FOXP4: variants seen among roughly 807,000 people sequenced by gnomAD.
FOXP4 encodes forkhead box protein P4.
In FOXP4, 25 loss-of-function variants were observed where a neutral mutation model predicts 82.6. The observed-to-expected ratio is 0.30, with a 90% CI of 0.22 to 0.42. The LOEUF is 0.42. Among genes scored for constraint, FOXP4 ranks in the 10% least tolerant of loss-of-function variants. The pLI is 1.00. For synonymous variants in FOXP4, 415 were observed against 388.2 expected, an observed-to-expected ratio of 1.07 and a Z score of -0.81; for missense variants, 785 against 900.9, an observed-to-expected ratio of 0.87 and a Z score of 1.65.
chr6:41,558,343 C>T lies in FOXP4; in HGVS notation c.-16-7402C>T, dbSNP rs983981045. Reference sequence around the variant, plus strand: ...CCCATGGGTCTTGACTCACTTTCTTCAAGTGCTGAACCAAGGGCTGGGAGA... The same window carrying T: ...CCCATGGGTCTTGACTCACTTTCTTTAAGTGCTGAACCAAGGGCTGGGAGA... On this transcript the variant is annotated intron_variant, in intron 1 of 16. Coordinates refer to ENST00000307972, the MANE Select transcript of FOXP4 (RefSeq NM_001012426.2). The surrounding 1 kb of genome is among the most constrained non-coding windows in gnomAD (Gnocchi z 4.0). Among the ~76,000 whole-genome samples the T allele has an allele frequency of 1.1e-4, 16 of 152,192 alleles. No individual in the cohort carries two copies. Among genetic ancestry groups the T allele is most frequent in the African/African-American group, 3.9e-4 (16 of 41,446 alleles).
intron 1 of FOXP4, among the ~76,000 whole-genome samples, chr6:41,554,624 C>T (rs1199704316): frequency 6.6e-6 from 1 of 152,102 alleles, no homozygotes; most frequent in East Asian, 1.9e-4. Flanking sequence ...CTTTGGGAGG[C>T]CAAGGCAGGT....
At chr6:41,560,143 C>T (rs1755307790) in intron 1 of FOXP4, among the ~76,000 whole-genome samples, 1 of 152,164 alleles carries the variant, frequency 6.6e-6, no homozygotes, top group Admixed American at 6.5e-5. Flanking sequence ...CTCCAAGTCA[C>T]TCTAGTAGGC....
In FOXP4 at chr6:41,590,429, A is replaced by G. The variant is rs528427790; in HGVS notation, c.1434+82A>G. ...CCCCGCCACACCCCTGCCTCCAGGA[A>G]GGTCCTGGGGCCAAGCAATGGAGCT... On this transcript the variant is annotated intron_variant, in intron 12 of 16. Transcript: ENST00000307972. The G allele has an allele frequency of 2.5e-4, 373 of 1,472,454 alleles. 1 individual carries two copies. The African/African-American group carries it at 4.4e-3, about 17-fold the overall frequency. The allele number at this position is 1,472,454 out of a possible 1,614,324, so 91.2% of individuals were successfully genotyped here.
chr6:41,589,746 C>T (rs1766379724), intron 9 of FOXP4, 25 bp from the exon 10 acceptor site: 3 of 1,607,814 alleles, frequency 1.9e-6, no homozygotes, highest in Non-Finnish European at 2.5e-6. Flanking sequence ...CTCCCGCTCA[C>T]CTCCTGCTTT....
chr6:41,585,084 C>G (rs2127388213), intron 4 of FOXP4, among the ~76,000 whole-genome samples, 193 bp downstream of exon 4: 1 of 152,298 alleles, frequency 6.6e-6, no homozygotes, highest in South Asian at 2.1e-4. Flanking sequence ...GCCCTGCCCC[C>G]ACAATACTCC....
At chr6:41,555,275 T>A (rs1202459623) in intron 1 of FOXP4, among the ~76,000 whole-genome samples, 5 of 151,500 alleles carry the variant, frequency 3.3e-5, no homozygotes, top group African/African-American at 1.2e-4. Context: ...CTGATGGTTG[T>A]GGGTGATTCT....
At chr6:41,562,427 A>G (rs1764636785) in intron 1 of FOXP4, among the ~76,000 whole-genome samples, 1 of 152,088 alleles carries the variant, frequency 6.6e-6, no homozygotes, top group African/African-American at 2.4e-5. Flanking sequence ...TCGGCCCCTG[A>G]ATAGCTATTA....
chr6:41,585,130 A>G (rs1358608685), intron 4 of FOXP4, among the ~76,000 whole-genome samples: 2 of 152,072 alleles, frequency 1.3e-5, no homozygotes, highest in Non-Finnish European at 2.9e-5. Context: ...CCCCACTTCT[A>G]TCTCCTGAAC....
rs1476985233 is a variant in FOXP4, at chr6:41,564,654, C to T, written c.-16-1091C>T. Among the ~76,000 whole-genome samples, 5 of 152,158 alleles carry T rather than the reference C, an allele frequency of 3.3e-5. No individual in the cohort carries two copies. In the South Asian group the frequency reaches 6.2e-4, roughly 19 times the overall value. ...TATGTAACCTAACTCTCTGGACCTT[C>T]GGTTTTTCCATCTGTAAAATTGGCG... On this transcript the variant is annotated intron_variant, in intron 1 of 16. Transcript: ENST00000307972.
chr6:41,592,936 A>T (rs1171125272), intron 13 of FOXP4, among the ~76,000 whole-genome samples: 1 of 151,970 alleles, frequency 6.6e-6, no homozygotes, highest in Non-Finnish European at 1.5e-5. Flanking sequence ...CACCTAGTCT[A>T]GGGTCCAGTA....
intron 12 of FOXP4, 130 bp downstream of exon 12, chr6:41,590,477 G>A (rs753623290): frequency 1.2e-4 from 117 of 955,528 alleles, no homozygotes; most frequent in Non-Finnish European, 1.7e-4. Flanking sequence ...CTCACGTGGC[G>A]GTCTTCCCTC....
chr6:41,582,699 A>G (rs1031195389), intron 3 of FOXP4, among the ~76,000 whole-genome samples: 19 of 149,188 alleles, frequency 1.3e-4, no homozygotes, highest in Non-Finnish European at 2.7e-4. Flanking sequence ...AGTTGGGTCT[A>G]TGCCGTTGTC....
intron 1 of FOXP4, among the ~76,000 whole-genome samples, chr6:41,549,287 C>T (rs1463756629): frequency 6.6e-6 from 1 of 151,942 alleles, no homozygotes; most frequent in African/African-American, 2.4e-5. Flanking sequence ...ACCCCTGAGC[C>T]CTGGAGAGAG....
intron 3 of FOXP4, among the ~76,000 whole-genome samples, chr6:41,583,380 C>T (rs1765913567): frequency 6.6e-6 from 1 of 152,226 alleles, no homozygotes; most frequent in Non-Finnish European, 1.5e-5. Context: ...GATCCAACTC[C>T]TCCTCCCCTA....
chr6:41,597,120 GC>G (rs1409866215), intron 14 of FOXP4, 55 bp from the exon 15 acceptor site: 9 of 1,568,380 alleles, frequency 5.7e-6, no homozygotes, highest in Non-Finnish European at 7.9e-6. Flanking sequence ...GTAAAGAGAT[GC>G]GAATGAAGAG....
intron 1 of FOXP4, among the ~76,000 whole-genome samples, chr6:41,547,777 A>ACCCCCCCC (rs150273164): frequency 7.5e-6 from 1 of 133,332 alleles, no homozygotes; most frequent in African/African-American, 2.8e-5. Context: ...ACCGAGCAGG[A>ACCCCCCCC]CCCCCCCCCG....
intron 2 of FOXP4, among the ~76,000 whole-genome samples, chr6:41,577,060 C>T (rs898238853): frequency 6.6e-6 from 1 of 152,096 alleles, no homozygotes; most frequent in African/African-American, 2.4e-5. Context: ...TCCTACCAGA[C>T]GTCTCACTGC....
rs1366590823 is a variant in FOXP4, at chr6:41,590,183, T to G, written c.1357+13T>G. 3 of 1,604,992 alleles carry G rather than the reference T, an allele frequency of 1.9e-6. No individual in the cohort carries two copies. Among genetic ancestry groups the G allele is most frequent in the African/African-American group, 2.7e-5 (2 of 74,794 alleles). On this transcript the variant is annotated intron_variant, in intron 11 of 16. Coordinates refer to ENST00000307972, the MANE Select transcript of FOXP4 (RefSeq NM_001012426.2). ...CCCATCTCCTCAGGTGAGGGTGGGC[T>G]GGGGGCTGCAGGGCGACAGCAGCGT...
intron 2 of FOXP4, among the ~76,000 whole-genome samples, chr6:41,569,714 C>T (rs1765075975): frequency 6.6e-6 from 1 of 152,126 alleles, no homozygotes. Context: ...CTCTGGAGTG[C>T]GCACTCCCAT....
Sources: gnomAD v4.1 joint callset for allele counts (sites outside exome capture counted in the v4.1 genomes callset) on GRCh38, gnomAD v4.1.1 for gene constraint, Gnocchi (gnomAD v3.1) non-coding constraint, MANE v1.5 for transcripts, NCBI Gene and HGNC (gene_info 2026-07-23, HGNC 2026-07-21) for gene names.